Variants in IMMP2L observed in about 807,000 individuals in gnomAD.
The protein encoded by IMMP2L is mitochondrial inner membrane protease subunit 2.
In IMMP2L, 18 loss-of-function variants were observed where a neutral mutation model predicts 19.3. That is an observed-to-expected ratio of 0.93 (90% confidence interval 0.64 to 1.38). The LOEUF is 1.38. IMMP2L is among the 40% of genes most tolerant of loss of function. The probability of loss-of-function intolerance (pLI) is 0.00; values close to 1 mark genes in which losing one functional copy is unlikely to be tolerated. For synonymous variants in IMMP2L, 76 were observed against 73.0 expected, an observed-to-expected ratio of 1.04 and a Z score of -0.21; for missense variants, 233 against 218.2, an observed-to-expected ratio of 1.07 and a Z score of -0.43.
chr7:111,514,482 A>G (rs185681714), intron 2 of IMMP2L, among the ~76,000 whole-genome samples: 7 of 152,206 alleles, frequency 4.6e-5, no homozygotes, highest in Admixed American at 1.3e-4. Context: ...ACAAACCTGC[A>G]CATTGTGCAC....
chr7:111,331,935 C>CA (rs1239221846), intron 3 of IMMP2L, among the ~76,000 whole-genome samples: 1 of 151,142 alleles, frequency 6.6e-6, no homozygotes, highest in African/African-American at 2.4e-5. Flanking sequence ...GAAAGTTAAG[C>CA]AAAAAAACTA....
chr7:110,695,047 C>A (rs1793783500), intron 5 of IMMP2L, among the ~76,000 whole-genome samples: 1 of 151,860 alleles, frequency 6.6e-6, no homozygotes, highest in South Asian at 2.1e-4. Context: ...TGGTCATTGC[C>A]AGGGGGTGTG....
At chr7:111,125,897 A>G (rs904966505) in intron 3 of IMMP2L, among the ~76,000 whole-genome samples, 10 of 141,362 alleles carry the variant, frequency 7.1e-5, no homozygotes, top group African/African-American at 2.7e-4. Flanking sequence ...ACCTAGGCTC[A>G]CTGCAGACTC....
chr7:111,307,412 T>A lies in IMMP2L; in HGVS notation c.239+179826A>T, dbSNP rs1822999067. Among the ~76,000 whole-genome samples, 5 of 151,958 alleles carry A rather than the reference T, an allele frequency of 3.3e-5. No homozygotes were observed. In the South Asian group the frequency reaches 1.0e-3, roughly 32 times the overall value. ...TTTCACTTATGCATTTTAGTCCTGA[T>A]CTTTGCACTAAACATGCTTATGTGT... On this transcript the variant is annotated intron_variant, in intron 3 of 5. Transcript: ENST00000405709.
At chr7:111,548,710 G>A (rs923595219) in intron 1 of IMMP2L, among the ~76,000 whole-genome samples, 16 of 151,654 alleles carry the variant, frequency 1.1e-4, no homozygotes, top group Non-Finnish European at 1.9e-4. Context: ...TAAACTATAG[G>A]GACATTTTGA....
Position 111,391,801 on chromosome 7 carries a change from G to A in IMMP2L, c.239+95437C>T, listed in dbSNP as rs1409418152. ...TAAGAGTATGAGTTCAAGGAAACCT[G>A]AATAGAGGTCCTTAATATATGACAA... On this transcript the variant is annotated intron_variant, in intron 3 of 5. Coordinates refer to ENST00000405709, the MANE Select transcript of IMMP2L (RefSeq NM_032549.4). The A allele has an allele frequency of 5.8e-6, 4 of 691,220 alleles. No individual in the cohort carries two copies. In the African/African-American group the frequency reaches 7.1e-5, roughly 12 times the overall value. 42.8% of individuals were successfully genotyped at this position (691,220 alleles called of 1,614,324 possible). A position where few individuals can be genotyped will look rare whatever the true frequency, so the allele number is the denominator to read the frequency against.
At chr7:110,729,753 G>A (rs1189350235) in intron 5 of IMMP2L, among the ~76,000 whole-genome samples, 1 of 152,096 alleles carries the variant, frequency 6.6e-6, no homozygotes, top group African/African-American at 2.4e-5. Flanking sequence ...AACCCACACT[G>A]GGGCCTATCA....
At chr7:111,343,233 C>G (rs1399589316) in intron 3 of IMMP2L, among the ~76,000 whole-genome samples, 1 of 151,874 alleles carries the variant, frequency 6.6e-6, no homozygotes. Context: ...CATAAATGGC[C>G]CCCTGTCTAC....
chr7:111,090,070 T>C (rs946998336), intron 3 of IMMP2L, among the ~76,000 whole-genome samples: 7 of 152,064 alleles, frequency 4.6e-5, no homozygotes, highest in African/African-American at 9.7e-5. Context: ...CCTGTTGATA[T>C]ATTAATCCTC....
chr7:111,538,682 T>C (rs982280462), intron 1 of IMMP2L, among the ~76,000 whole-genome samples: 1 of 148,070 alleles, frequency 6.8e-6, no homozygotes, highest in African/African-American at 2.5e-5. Context: ...TGGTGGCACA[T>C]GCCTGTGCTC....
At chr7:111,453,161 C>A (rs1839372769) in intron 3 of IMMP2L, among the ~76,000 whole-genome samples, 1 of 152,178 alleles carries the variant, frequency 6.6e-6, no homozygotes, top group South Asian at 2.1e-4. Flanking sequence ...AATCTGTGCA[C>A]ACTGCAGCCT....
chr7:111,402,170 A>ATAT (rs1360731092), intron 3 of IMMP2L, among the ~76,000 whole-genome samples: 1 of 131,858 alleles, frequency 7.6e-6, no homozygotes, highest in Non-Finnish European at 1.6e-5. Flanking sequence ...AATAATAATA[A>ATAT]TATTAAGTTA....
chr7:110,707,251 C>T (rs1311883123), intron 5 of IMMP2L, among the ~76,000 whole-genome samples: 3 of 41,832 alleles, frequency 7.2e-5, no homozygotes, highest in Admixed American at 2.7e-4. Context: ...TGAGAATATG[C>T]GGTGTTTGGT....
intron 5 of IMMP2L, among the ~76,000 whole-genome samples, chr7:110,865,563 G>T (rs189233648): frequency 6.6e-6 from 1 of 151,838 alleles, no homozygotes. Flanking sequence ...ACAGATGGTG[G>T]AGCTTCTAGA....
intron 3 of IMMP2L, among the ~76,000 whole-genome samples, chr7:111,321,713 G>A (rs1824738486): frequency 6.6e-6 from 1 of 151,832 alleles, no homozygotes. Context: ...CTTGAATGTG[G>A]TTTCAATGTA....
At chr7:111,541,182 G>A (rs555194516) in intron 1 of IMMP2L, among the ~76,000 whole-genome samples, 1 of 152,112 alleles carries the variant, frequency 6.6e-6, no homozygotes, top group South Asian at 2.1e-4. Context: ...CTCCCTCACA[G>A]TACTAAAATT....
At chr7:111,162,863 C>T (rs1426844388) in intron 3 of IMMP2L, among the ~76,000 whole-genome samples, 5 of 152,008 alleles carry the variant, frequency 3.3e-5, no homozygotes, top group African/African-American at 1.2e-4. Context: ...CACTAAGAGA[C>T]TTGAACAAAC....
At chr7:110,882,625 C>A (rs568926457) in intron 5 of IMMP2L, among the ~76,000 whole-genome samples, 3 of 152,214 alleles carry the variant, frequency 2.0e-5, no homozygotes, top group South Asian at 4.1e-4. Flanking sequence ...AGGTGATCCA[C>A]CCGCCTCGGC....
intron 5 of IMMP2L, among the ~76,000 whole-genome samples, chr7:110,842,914 A>C (rs560194154): frequency 6.6e-6 from 1 of 152,290 alleles, no homozygotes; most frequent in East Asian, 1.9e-4. Flanking sequence ...TTATGGGCAG[A>C]GCAGGCTACC....
Sources: allele counts gnomAD v4.1 joint callset (sites outside exome capture counted in the v4.1 genomes callset), GRCh38; gene constraint gnomAD v4.1.1; transcripts MANE v1.5; gene names NCBI Gene and HGNC (gene_info 2026-07-23, HGNC 2026-07-21).